Variants in SOX5 observed in about 807,000 individuals in gnomAD.
SOX5 encodes SRY-box transcription factor 5.
Under a neutral mutation model 92.0 loss-of-function variants are expected in SOX5, and 9 were observed. The observed-to-expected ratio is 0.10, with a 90% CI of 0.06 to 0.17. SOX5 has a LOEUF of 0.17. Among genes scored for constraint, SOX5 ranks in the 10% least tolerant of loss-of-function variants. SOX5 has a pLI of 1.00. For missense variants in SOX5, 642 were observed against 944.5 expected, an observed-to-expected ratio of 0.68 and a Z score of 4.20; for synonymous variants, 344 against 336.3, an observed-to-expected ratio of 1.02 and a Z score of -0.25.
At chr12:24,423,223 T>C (rs565240256) in intron 1 of SOX5, among the ~76,000 whole-genome samples, 3 of 152,172 alleles carry the variant, frequency 2.0e-5, no homozygotes, top group Non-Finnish European at 4.4e-5. Flanking sequence ...TTAAGAACTG[T>C]GGAAGGACAT....
intron 4 of SOX5, among the ~76,000 whole-genome samples, chr12:24,036,955 TG>T (rs1956101642): frequency 6.6e-6 from 1 of 152,090 alleles, no homozygotes; most frequent in Admixed American, 6.5e-5. Context: ...GCAGGATAAC[TG>T]TAAGTCTTTG....
intron 1 of SOX5, among the ~76,000 whole-genome samples, chr12:24,524,702 T>A (rs1052620957): frequency 6.6e-6 from 1 of 152,214 alleles, no homozygotes; most frequent in South Asian, 2.1e-4. Flanking sequence ...ATTAGAACTT[T>A]TGTACACTGT....
intron 4 of SOX5, among the ~76,000 whole-genome samples, chr12:24,117,743 C>A (rs1280528119): frequency 6.6e-6 from 1 of 152,106 alleles, no homozygotes; most frequent in Non-Finnish European, 1.5e-5. Flanking sequence ...TATGATCTCA[C>A]TTACATGTGG....
At chr12:24,182,216 C>T (rs1383065498) in intron 4 of SOX5, among the ~76,000 whole-genome samples, 1 of 152,116 alleles carries the variant, frequency 6.6e-6, no homozygotes, top group Non-Finnish European at 1.5e-5. Flanking sequence ...TAGTAGGCCA[C>T]AGCAAACAAA....
intron 1 of SOX5, among the ~76,000 whole-genome samples, chr12:24,448,163 A>G (rs1472707432): frequency 4.6e-5 from 7 of 152,180 alleles, no homozygotes; most frequent in Admixed American, 2.6e-4. Context: ...ACTCTGTCTC[A>G]AAAACAAACA....
chr12:24,093,102 G>A (rs1038619237), intron 4 of SOX5, among the ~76,000 whole-genome samples: 3 of 152,104 alleles, frequency 2.0e-5, no homozygotes, highest in Admixed American at 1.3e-4. Flanking sequence ...CTAAAGTTTC[G>A]GAGTGGTCTA....
chr12:24,464,379 G>A (rs1943987079), intron 1 of SOX5, among the ~76,000 whole-genome samples: 1 of 150,788 alleles, frequency 6.6e-6, no homozygotes, highest in South Asian at 2.1e-4. Flanking sequence ...CTGAAGTGCA[G>A]TGGCACGATC....
At chr12:24,411,957 G>A (rs1040637594) in intron 1 of SOX5, among the ~76,000 whole-genome samples, 4 of 152,056 alleles carry the variant, frequency 2.6e-5, no homozygotes, top group African/African-American at 7.2e-5. Flanking sequence ...TCCTTTAACT[G>A]TTGTAAGGCT....
intron 4 of SOX5, among the ~76,000 whole-genome samples, chr12:23,988,456 C>A (rs1205168981): frequency 6.6e-6 from 1 of 152,168 alleles, no homozygotes; most frequent in Non-Finnish European, 1.5e-5. Flanking sequence ...ATGTCTAATG[C>A]TTTCAGTATT....
At chr12:23,584,753 G>GC in intron 9 of SOX5, 2 of 578,502 alleles carry the variant, frequency 3.5e-6, no homozygotes, top group Non-Finnish European at 6.2e-6. Context: ...GTGTGTATGT[G>GC]TGTGTGTTTA....
intron 7 of SOX5, among the ~76,000 whole-genome samples, chr12:23,641,905 C>T (rs16926503): frequency 0.016 from 2,378 of 152,102 alleles, 54 homozygotes; most frequent in African/African-American, 0.054. Context: ...TCAGTTAATA[C>T]GCCATTCAAA....
intron 9 of SOX5, among the ~76,000 whole-genome samples, chr12:23,588,538 C>T (rs561910345): frequency 1.1e-4 from 17 of 151,966 alleles, no homozygotes; most frequent in African/African-American, 4.1e-4. Context: ...CCATAAAAGA[C>T]TTTATATAGC....
intron 7 of SOX5, among the ~76,000 whole-genome samples, chr12:23,654,285 C>T (rs1453175666): frequency 6.6e-6 from 1 of 151,898 alleles, no homozygotes; most frequent in East Asian, 1.9e-4. Flanking sequence ...TATAATATTC[C>T]ATAATTTATC....
At chr12:24,029,192 T>C (rs12821276) in intron 4 of SOX5, among the ~76,000 whole-genome samples, 73 of 152,114 alleles carry the variant, frequency 4.8e-4, no homozygotes, top group Non-Finnish European at 6.3e-4. Flanking sequence ...ATCCGTGTAT[T>C]TCCTCATCAG....
chr12:23,780,932 G>C (rs1272191060), intron 3 of SOX5, among the ~76,000 whole-genome samples: 1 of 152,138 alleles, frequency 6.6e-6, no homozygotes, highest in East Asian at 1.9e-4. Flanking sequence ...TGGGCAGAAA[G>C]TGAAGGAAAT....
intron 1 of SOX5, among the ~76,000 whole-genome samples, chr12:23,919,578 C>T (rs1208374150): frequency 6.6e-6 from 1 of 152,136 alleles, no homozygotes; most frequent in Non-Finnish European, 1.5e-5. Flanking sequence ...TACCTGCCTA[C>T]CTATCAAATC....
chr12:24,042,652 G>A (rs954758987), intron 4 of SOX5, among the ~76,000 whole-genome samples: 2 of 152,064 alleles, frequency 1.3e-5, no homozygotes. Context: ...CCACAGTTTA[G>A]CTGTATGTGG....
chr12:24,392,200 G>A (rs536617633), intron 1 of SOX5, among the ~76,000 whole-genome samples: 14 of 152,202 alleles, frequency 9.2e-5, no homozygotes, highest in African/African-American at 3.1e-4. Context: ...TATTGCAATG[G>A]TCTTTCCACC....
intron 4 of SOX5, among the ~76,000 whole-genome samples, chr12:23,742,436 T>G (rs1444137332): frequency 6.6e-6 from 1 of 152,158 alleles, no homozygotes; most frequent in African/African-American, 2.4e-5. Flanking sequence ...TCTCAGATAT[T>G]TGGATTCCAT....
Sources: allele counts gnomAD v4.1 joint callset (sites outside exome capture counted in the v4.1 genomes callset), GRCh38; gene constraint gnomAD v4.1.1; transcripts MANE v1.5; gene names NCBI Gene and HGNC (gene_info 2026-07-23, HGNC 2026-07-21).